DDHD2: variants seen among roughly 807,000 people sequenced by gnomAD.
DDHD2 encodes triacylglycerol hydrolase DDHD2.
A neutral mutation model predicts 91.2 loss-of-function variants in DDHD2; 62 were observed. The observed-to-expected ratio is 0.68, with a 90% CI of 0.55 to 0.84. The LOEUF (loss-of-function observed/expected upper bound fraction) is 0.84. Among genes scored for constraint, DDHD2 ranks in the 40% least tolerant of loss-of-function variants. The probability of loss-of-function intolerance (pLI) is 0.00; values close to 1 mark genes in which losing one functional copy is unlikely to be tolerated. For missense variants in DDHD2, 740 were observed against 846.9 expected, an observed-to-expected ratio of 0.87 and a Z score of 1.57; for synonymous variants, 271 against 293.9, an observed-to-expected ratio of 0.92 and a Z score of 0.80.
chr8:38,242,099 A>T (rs561474042), intron 6 of DDHD2, 151 bp from the exon 7 acceptor site: 1 of 626,490 alleles, frequency 1.6e-6, no homozygotes, highest in Non-Finnish European at 2.6e-6. Context: ...ATATGCATTC[A>T]TAATTTTTCC....
chr8:38,259,967 AT>A (rs1445611622), intron 16 of DDHD2, 72 bp from the exon 17 acceptor site: 1 of 961,584 alleles, frequency 1.0e-6, no homozygotes, highest in Non-Finnish European at 1.7e-6. Context: ...TATGGATTAA[AT>A]GAGATAATAT....
In DDHD2 at chr8:38,242,357, A is replaced by T. The variant is rs1805323544; in HGVS notation, c.820A>T (p.Ser274Cys). 1 of 1,610,814 alleles carries T rather than the reference A, an allele frequency of 6.2e-7. No homozygotes were observed. The highest frequency in any genetic ancestry group is 8.5e-7 in the Non-Finnish European group (1 of 1,179,112). The change falls in exon 7 of 18, where the codon AGT (serine) becomes TGT (cysteine). Residue 274 changes from serine to cysteine, a missense_variant. By Grantham distance (112) the Ser-to-Cys change is moderately radical. Around this residue, in one of 2 missense-constraint regions of DDHD2, gnomAD observed 693 missense variants for 764.2 expected, o/e 0.91. Coordinates refer to ENST00000397166, the MANE Select transcript of DDHD2 (RefSeq NM_015214.3). ...RVEFLPVNWH[S>C]PLHSTGVDVD... is the part of the protein sequence containing the mutation. ...AGAATTTCTTCCAGTCAACTGGCAC[A>T]GTCCTTTGCATTCTACTGGTGTGGA...
At chr8:38,263,537 G>A, downstream of DDHD2, 1 of 985,366 alleles carries the variant, frequency 1.0e-6, no homozygotes, top group Non-Finnish European at 1.2e-6. Flanking sequence ...TTTTCACTTA[G>A]TAATTCAACA....
At chr8:38,234,831 G>A (rs373509865) in intron 3 of DDHD2, among the ~76,000 whole-genome samples, 38 of 150,596 alleles carry the variant, frequency 2.5e-4, no homozygotes, top group African/African-American at 7.8e-4. Context: ...GCAGTGGTGC[G>A]ATCTTGGCTC....
At position 38,251,953 on chromosome 8, in the gene DDHD2, C is replaced by G; in HGVS notation, c.1386C>G (p.Asn462Lys). Reference protein sequence around the residue: ...RPAPQPASGANIPKESEFCSS... With the variant: ...RPAPQPASGAKIPKESEFCSS... ...CCCCGCAGCCTGCTTCAGGGGCAAA[C>G]ATCCCCAAAGAATCTGAGTTCTGCA... Residue 462 changes from asparagine (N) to lysine (K), a missense_variant, in exon 12 of 18, where the codon AAC becomes AAG. This residue lies in a region of DDHD2 where 693 missense variants were observed against 764.2 expected (regional missense o/e 0.91). Transcript: ENST00000397166. The G allele has an allele frequency of 6.2e-7, 1 of 1,614,160 alleles. No homozygotes were observed. The highest frequency in any genetic ancestry group is 8.5e-7 in the Non-Finnish European group (1 of 1,179,996).
In DDHD2 at chr8:38,238,190, C is replaced by T. The variant is rs1430010376; in HGVS notation, c.603C>T (p.Ile201=). Residue 201 remains isoleucine (I), a synonymous_variant, in exon 5 of 18, where the codon ATC becomes ATT. Coordinates refer to ENST00000397166, the MANE Select transcript of DDHD2 (RefSeq NM_015214.3). The stretch of plus-strand genomic sequence containing the variant: ...CTGTGAAGAGAGGAGTTGAGAACAT[C>T]TCTGTTGACATTCATTGTGGTAATG... ...PRTVKRGVEN[I]SVDIHCGEPL... 2 of 1,613,886 alleles carry T rather than the reference C, an allele frequency of 1.2e-6. No individual in the cohort carries two copies. The highest frequency in any genetic ancestry group is 1.7e-6 in the Non-Finnish European group (2 of 1,179,826).
intron 3 of DDHD2, among the ~76,000 whole-genome samples, chr8:38,235,756 T>A (rs199669081): frequency 6.8e-6 from 1 of 147,160 alleles, no homozygotes; most frequent in African/African-American, 2.5e-5. Flanking sequence ...ACAGTGGCTC[T>A]CACCTGTAAT....
In DDHD2 at chr8:38,246,264, T is replaced by C. The variant is rs1163822364; in HGVS notation, c.1089T>C (p.Asn363=). 1.2e-6 allele frequency: 2 copies of C among 1,609,472 alleles called. No individual in the cohort carries two copies. The highest frequency in any genetic ancestry group is 1.7e-6 in the Non-Finnish European group (2 of 1,176,546). The part of the protein sequence containing the change: ...GSLILFDILT[N]QKDSLGDIDS... ...TTATATTGTTTGATATCCTAACAAA[T>C]CAGAAAGATTCTTTGGGGGATATTG... Residue 363 remains asparagine (N), a synonymous_variant, in exon 9 of 18, where the codon AAT becomes AAC. Transcript: ENST00000397166.
At chr8:38,258,239 T>G (rs2130879280) in intron 16 of DDHD2, among the ~76,000 whole-genome samples, 1 of 152,120 alleles carries the variant, frequency 6.6e-6, no homozygotes, top group Admixed American at 6.6e-5. Context: ...AGATTCTAAA[T>G]TAAATTAATT....
At chr8:38,260,302 A>T (rs1273486918) in intron 17 of DDHD2, 155 bp downstream of exon 17, 1 of 498,110 alleles carries the variant, frequency 2.0e-6, no homozygotes, top group Non-Finnish European at 3.6e-6. Context: ...GTAGAAATTC[A>T]TGGGGAAAAA....
intron 3 of DDHD2, among the ~76,000 whole-genome samples, chr8:38,236,596 A>G (rs1804778123): frequency 6.6e-6 from 1 of 150,546 alleles, no homozygotes; most frequent in Admixed American, 6.6e-5. Context: ...GCTCACCGCA[A>G]CCTCTGCCTC....
chr8:38,256,952 C>G (rs1343059008), intron 16 of DDHD2, among the ~76,000 whole-genome samples: 1 of 152,064 alleles, frequency 6.6e-6, no homozygotes, highest in Non-Finnish European at 1.5e-5. Flanking sequence ...GTGAGGCAGT[C>G]TCACTCTATC....
intron 1 of DDHD2, chr8:38,268,077 G>A: frequency 6.5e-7 from 1 of 1,531,532 alleles, no homozygotes; most frequent in Non-Finnish European, 8.8e-7. Context: ...CCAGGCCTGG[G>A]CACAAAAATA....
At chr8:38,260,176 G>A (rs770234863) in intron 17 of DDHD2, 29 bp downstream of exon 17, 4 of 1,222,134 alleles carry the variant, frequency 3.3e-6, no homozygotes, top group Non-Finnish European at 4.8e-6. Context: ...TATATATAGT[G>A]TAATTCTTAC....
Position 38,255,016 on chromosome 8 carries a change from G to A in DDHD2, c.2054+1298G>A, listed in dbSNP as rs964700763. 5.9e-5 allele frequency among the ~76,000 whole-genome samples: 9 copies of A among 152,232 alleles called. No individual in the cohort carries two copies. The South Asian group carries it at 6.2e-4, about 11-fold the overall frequency. ...AAGCTCAGACCAGCATGGCCAACAT[G>A]GCGAAATCCTGTCTCTACCAAAAAT... is the stretch of plus-strand genomic sequence containing the variant. On this transcript the variant is annotated intron_variant, in intron 16 of 17. Coordinates refer to ENST00000397166, the MANE Select transcript of DDHD2 (RefSeq NM_015214.3).
rs915750989 is a variant in DDHD2 at position 38,262,714 on chromosome 8, T to G, written c.*2141T>G. On this transcript the variant is annotated 3_prime_UTR_variant, in exon 18 of 18. Transcript: ENST00000397166. ...TCTAATATTTTGCATTTTTGAAATGTTTGTTTTCTACGTGATTATATTTAA... is the reference window on the plus strand; with the variant it reads ...TCTAATATTTTGCATTTTTGAAATGGTTGTTTTCTACGTGATTATATTTAA... 2.0e-5 allele frequency: 3 copies of G among 152,322 alleles called. No homozygotes were observed. Among genetic ancestry groups the G allele is most frequent in the Middle Eastern group, 3.4e-3 (1 of 294 alleles). 9.4% of individuals were successfully genotyped at this position (152,322 alleles called of 1,614,324 possible).
Position 38,251,915 on chromosome 8 carries a change from A to G in DDHD2, c.1348A>G (p.Ile450Val), listed in dbSNP as rs541849444. 256 of 1,612,094 alleles carry G rather than the reference A, an allele frequency of 1.6e-4. 2 individuals carry two copies. The South Asian group carries it at 2.8e-3, about 17-fold the overall frequency. The change falls in exon 12 of 18, where the codon ATT (isoleucine) becomes GTT (valine). Residue 450 changes from isoleucine (I) to valine (V), a missense_variant. Coordinates refer to ENST00000397166, the MANE Select transcript of DDHD2 (RefSeq NM_015214.3). ...ATAACTATTTTTTATTCTTTAGGGT[A>G]TTAAGAGACCAGCCCCGCAGCCTGC... ...YFSTRKNSMG[I>V]KRPAPQPASG...
chr8:38,236,875 G>T (rs1182894541), intron 3 of DDHD2, among the ~76,000 whole-genome samples: 1 of 151,912 alleles, frequency 6.6e-6, no homozygotes, highest in Non-Finnish European at 1.5e-5. Flanking sequence ...GTGTTGGCCA[G>T]GCTGGTCTCG....
intron 1 of DDHD2, chr8:38,269,077 C>T: frequency 6.6e-7 from 1 of 1,526,326 alleles, no homozygotes; most frequent in East Asian, 2.6e-5. Context: ...GTGCCGCCCG[C>T]CTGCCTGGGA....
Sources: allele counts gnomAD v4.1 joint callset (sites outside exome capture counted in the v4.1 genomes callset), GRCh38; gene constraint gnomAD v4.1.1; regional missense constraint gnomAD v4.1.1; transcripts MANE v1.5; gene names NCBI Gene and HGNC (gene_info 2026-07-23, HGNC 2026-07-21).